Variants in RP1 observed in about 807,000 individuals in gnomAD.
RP1 encodes the protein oxygen-regulated protein 1.
A neutral mutation model predicts 14.8 loss-of-function variants in RP1; 16 were observed. The ratio of observed to expected loss-of-function variants is 1.08; its 90% CI spans 0.73 to 1.65. The LOEUF (loss-of-function observed/expected upper bound fraction) is 1.65, where lower values mean the gene tolerates loss of function less well. Ranked by LOEUF, RP1 falls within the 40% of genes most tolerant of loss-of-function variation. The pLI is 0.00. For missense variants in RP1, 2,631 were observed against 2,535.0 expected (o/e 1.04, Z -0.81); for synonymous variants, 876 against 883.6 (o/e 0.99, Z 0.15).
At chr8:54,618,050 C>T (rs1239624091) in intron 1 of RP1, among the ~76,000 whole-genome samples, 1 of 152,180 alleles carries the variant, frequency 6.6e-6, no homozygotes, top group Non-Finnish European at 1.5e-5. Context: ...TAGGAGTTCC[C>T]AGAGATTCTC....
intron 6 of RP1, among the ~76,000 whole-genome samples, chr8:54,662,343 A>T (rs1806918759): frequency 6.6e-6 from 1 of 152,128 alleles, no homozygotes; most frequent in Non-Finnish European, 1.5e-5. Flanking sequence ...CAGTTCTTAA[A>T]GCCACTACAG....
chr8:54,652,436 G>A (rs1806673419), intron 4 of RP1, among the ~76,000 whole-genome samples: 1 of 151,844 alleles, frequency 6.6e-6, no homozygotes, highest in Admixed American at 6.6e-5. Context: ...TGGAAAGACT[G>A]TTTTCTGTTG....
intron 15 of RP1, among the ~76,000 whole-genome samples, chr8:54,709,669 A>T (rs755512838): frequency 1.8e-4 from 27 of 152,170 alleles, no homozygotes; most frequent in Non-Finnish European, 1.5e-4. Context: ...GAAATATTGC[A>T]CATAAGGCAG....
intron 23 of RP1, among the ~76,000 whole-genome samples, chr8:54,777,507 C>A (rs1412212023): frequency 6.6e-6 from 1 of 152,138 alleles, no homozygotes; most frequent in Non-Finnish European, 1.5e-5. Flanking sequence ...ATCTAGGAAG[C>A]ATAACTGTTT....
chr8:54,694,064 T>G (rs1240026939), intron 12 of RP1, among the ~76,000 whole-genome samples: 1 of 152,106 alleles, frequency 6.6e-6, no homozygotes, highest in Non-Finnish European at 1.5e-5. Context: ...TTTTCTGCAT[T>G]TACTGAGATA....
chr8:54,577,956 TTA>T (rs1804697151), intron 1 of RP1, among the ~76,000 whole-genome samples: 1 of 150,934 alleles, frequency 6.6e-6, no homozygotes, highest in Admixed American at 6.6e-5. Flanking sequence ...TCTTTTTTTT[TTA>T]TTATTATATT....
At chr8:54,814,177 G>T (rs1165263277) in intron 24 of RP1, among the ~76,000 whole-genome samples, 3 of 152,140 alleles carry the variant, frequency 2.0e-5, no homozygotes, top group Non-Finnish European at 4.4e-5. Context: ...GGTTTTGGAT[G>T]TAAGATTTGG....
intron 19 of RP1, among the ~76,000 whole-genome samples, chr8:54,746,904 C>G (rs1269974071): frequency 6.6e-6 from 1 of 152,138 alleles, no homozygotes; most frequent in Non-Finnish European, 1.5e-5. Context: ...ATCCAACCTG[C>G]TTCTCCTTTA....
At chr8:54,810,608 G>A (rs1351268394) in intron 24 of RP1, among the ~76,000 whole-genome samples, 1 of 152,160 alleles carries the variant, frequency 6.6e-6, no homozygotes, top group African/African-American at 2.4e-5. Context: ...TTCCACCAAG[G>A]TCCATGTGTT....
chr8:54,693,436 C>A (rs1246392420), intron 12 of RP1, among the ~76,000 whole-genome samples: 1 of 152,096 alleles, frequency 6.6e-6, no homozygotes, highest in Non-Finnish European at 1.5e-5. Context: ...AATATTGATT[C>A]TTCCTACCCA....
At chr8:54,804,060 T>C (rs1810785181) in intron 24 of RP1, among the ~76,000 whole-genome samples, 1 of 151,014 alleles carries the variant, frequency 6.6e-6, no homozygotes, top group African/African-American at 2.4e-5. Context: ...AGAGTGAGAC[T>C]CTATCTCAAA....
At chr8:54,734,432 C>A in intron 17 of RP1, 1 of 931,282 alleles carries the variant, frequency 1.1e-6, no homozygotes, top group Non-Finnish European at 1.6e-6. Flanking sequence ...GTGCCTCCTG[C>A]TTGCTTCACC....
At chr8:54,671,236 T>C (rs1185357490) in intron 7 of RP1, among the ~76,000 whole-genome samples, 1 of 152,078 alleles carries the variant, frequency 6.6e-6, no homozygotes, top group Non-Finnish European at 1.5e-5. Context: ...ATATGATGAG[T>C]TGCCTTTCTC....
intron 12 of RP1, among the ~76,000 whole-genome samples, chr8:54,680,639 G>T (rs1807404431): frequency 6.6e-6 from 1 of 152,038 alleles, no homozygotes; most frequent in African/African-American, 2.4e-5. Context: ...AGATCCTAGG[G>T]AACAACCAGT....
intron 15 of RP1, among the ~76,000 whole-genome samples, chr8:54,719,046 G>A (rs1000757088): frequency 1.3e-5 from 2 of 152,130 alleles, no homozygotes; most frequent in South Asian, 2.1e-4. Flanking sequence ...TCTATGGTAA[G>A]GCCCAAACTT....
At chr8:54,594,325 T>C (rs1241061493) in intron 1 of RP1, among the ~76,000 whole-genome samples, 2 of 152,126 alleles carry the variant, frequency 1.3e-5, no homozygotes, top group East Asian at 1.9e-4. Context: ...TTCTTCTTGG[T>C]CTGAGGCTGG....
chr8:54,562,226 T>C (rs1366477218), intron 1 of RP1, among the ~76,000 whole-genome samples: 2 of 152,250 alleles, frequency 1.3e-5, no homozygotes, highest in Admixed American at 6.5e-5. Context: ...CTAGTGAATA[T>C]GAATATGGGA....
rs756828542 is a variant in RP1, at chr8:54,625,943, T to C, written c.2061T>C (p.Asp687=). ...AAGCAATAAATTCCAGGTATCAAGA[T>C]GGACAGCTTGCAACCAAAGGAATTC... The part of the protein sequence containing the change: ...RQQAINSRYQ[D]GQLATKGILN... The change falls in exon 4 of 4, where the codon GAT becomes GAC. Residue 687 remains aspartate, a synonymous_variant. Transcript: ENST00000220676. 2.5e-6 allele frequency: 4 copies of C among 1,613,948 alleles called. No homozygotes were observed. The highest frequency in any genetic ancestry group is 3.4e-6 in the Non-Finnish European group (4 of 1,179,952).
intron 1 of RP1, among the ~76,000 whole-genome samples, chr8:54,606,286 T>C (rs886946805): frequency 5.9e-5 from 9 of 152,194 alleles, no homozygotes. Context: ...GTATTTTATT[T>C]CTCCTTCACT....
Sources: allele counts gnomAD v4.1 joint callset (sites outside exome capture counted in the v4.1 genomes callset), GRCh38; gene constraint gnomAD v4.1.1; transcripts MANE v1.5; gene names NCBI Gene and HGNC (gene_info 2026-07-23, HGNC 2026-07-21).